The following EVA1A variants were observed in gnomAD, a reference collection of about 807,000 sequenced individuals.
EVA1A encodes protein eva-1 homolog A.
EVA1A carries 7 observed loss-of-function variants against 9.8 expected under a neutral mutation model. That is an observed-to-expected ratio of 0.71 (90% confidence interval 0.41 to 1.34). EVA1A has a LOEUF of 1.34. Ranked by LOEUF, EVA1A falls within the 40% of genes most tolerant of loss-of-function variation. The probability of loss-of-function intolerance (pLI) is 0.01; values close to 1 mark genes in which losing one functional copy is unlikely to be tolerated. For synonymous variants in EVA1A, 90 were observed against 85.6 expected, an observed-to-expected ratio of 1.05 and a Z score of -0.28; for missense variants, 206 against 205.9, an observed-to-expected ratio of 1.00 and a Z score of 0.00.
intron 1 of EVA1A, among the ~76,000 whole-genome samples, chr2:75,527,028 A>G (rs1019297742): frequency 1.3e-5 from 2 of 152,138 alleles, no homozygotes; most frequent in African/African-American, 4.8e-5. Flanking sequence ...ACCCAACACA[A>G]CTGGTGCAGA....
intron 3 of EVA1A, among the ~76,000 whole-genome samples, chr2:75,511,445 T>A (rs78454650): frequency 0.012 from 1,840 of 152,242 alleles, 18 homozygotes; most frequent in Non-Finnish European, 0.019. Context: ...TAATACATAG[T>A]TGTCTAAAAG....
chr2:75,505,769 G>T (rs184177916), intron 3 of EVA1A, among the ~76,000 whole-genome samples: 3 of 151,858 alleles, frequency 2.0e-5, no homozygotes, highest in Admixed American at 6.6e-5. Flanking sequence ...AGCCGAGATC[G>T]TGCCAATGCA....
intron 1 of EVA1A, among the ~76,000 whole-genome samples, chr2:75,566,801 C>T (rs977524595): frequency 4.6e-5 from 7 of 152,184 alleles, no homozygotes; most frequent in Admixed American, 1.3e-4. Flanking sequence ...AAAACATATT[C>T]ACCATTTAAA....
chr2:75,560,327 C>T (rs1049001023), intron 1 of EVA1A, among the ~76,000 whole-genome samples: 4 of 152,204 alleles, frequency 2.6e-5, no homozygotes, highest in Admixed American at 2.0e-4. Flanking sequence ...CAGGCTCAGC[C>T]CAGCTCCCAG....
chr2:75,528,057 G>A (rs1675513960), intron 1 of EVA1A, among the ~76,000 whole-genome samples: 1 of 152,212 alleles, frequency 6.6e-6, no homozygotes, highest in Non-Finnish European at 1.5e-5. Context: ...AAATATAAAA[G>A]TAGAAGAAGC....
intron 3 of EVA1A, among the ~76,000 whole-genome samples, chr2:75,499,108 A>T (rs1190804159): frequency 6.6e-6 from 1 of 152,228 alleles, no homozygotes; most frequent in Non-Finnish European, 1.5e-5. Flanking sequence ...AAAATTCTTA[A>T]GCCCTCAGAT....
intron 3 of EVA1A, among the ~76,000 whole-genome samples, chr2:75,507,137 T>C (rs1674644878): frequency 1.3e-5 from 2 of 152,210 alleles, no homozygotes; most frequent in Non-Finnish European, 2.9e-5. Flanking sequence ...GGCTCCCTCT[T>C]ACCTTATGGA....
chr2:75,529,700 A>C (rs1170049404), intron 1 of EVA1A, among the ~76,000 whole-genome samples: 1 of 152,206 alleles, frequency 6.6e-6, no homozygotes, highest in Non-Finnish European at 1.5e-5. Flanking sequence ...TCTGAACTGA[A>C]TAATAATGAA....
chr2:75,520,540 T>C (rs1035463260), intron 2 of EVA1A, among the ~76,000 whole-genome samples: 3 of 152,164 alleles, frequency 2.0e-5, no homozygotes, highest in Admixed American at 1.3e-4. Flanking sequence ...AATAAACCCT[T>C]ACATATATAT....
chr2:75,562,684 T>A (rs766807610), upstream of EVA1A, among the ~76,000 whole-genome samples: 1 of 152,224 alleles, frequency 6.6e-6, no homozygotes. Context: ...CACTCTGGCA[T>A]GCAAGGGCCA....
At chr2:75,563,281 C>T (rs1257858495), upstream of EVA1A, among the ~76,000 whole-genome samples, 1 of 152,230 alleles carries the variant, frequency 6.6e-6, no homozygotes, top group East Asian at 1.9e-4. Context: ...CGTTGCTAGC[C>T]TGAGAGCCCC....
chr2:75,562,699 C>G (rs754216589), upstream of EVA1A, among the ~76,000 whole-genome samples: 1 of 152,224 alleles, frequency 6.6e-6, no homozygotes, highest in African/African-American at 2.4e-5. Context: ...GGGCCATCAT[C>G]AGAGCTCCCC....
At position 75,560,858 on chromosome 2, in the gene EVA1A, GCCTGGGGAT is replaced by G; in HGVS notation, c.-379_-371del. ...GGAGGGGCCGCCGGGGTCAGGGCTGGCCTGGGGATGTGGGGTCCCGGCCTGGGTGCTCAC... is the reference window on the plus strand; with the variant it reads ...GGAGGGGCCGCCGGGGTCAGGGCTGGGTGGGGTCCCGGCCTGGGTGCTCAC... On this transcript the variant is annotated 5_prime_UTR_variant, in exon 1 of 4. Coordinates refer to ENST00000393913, the MANE Select transcript of EVA1A (RefSeq NM_001135032.2). 6.5e-6 allele frequency: 1 copy of G among 153,096 alleles called. No homozygotes were observed. Among genetic ancestry groups the G allele is most frequent in the African/African-American group, 2.4e-5 (1 of 41,472 alleles). 9.5% of individuals were successfully genotyped at this position (153,096 alleles called of 1,614,324 possible).
upstream of EVA1A, among the ~76,000 whole-genome samples, chr2:75,562,104 G>A (rs909790291): frequency 2.0e-5 from 3 of 152,166 alleles, no homozygotes; most frequent in East Asian, 5.8e-4. Flanking sequence ...ATTAGTATCT[G>A]CAGCTTAACA....
At chr2:75,545,454 A>C (rs74848140) in intron 1 of EVA1A, among the ~76,000 whole-genome samples, 1 of 152,186 alleles carries the variant, frequency 6.6e-6, no homozygotes, top group Non-Finnish European at 1.5e-5. Flanking sequence ...GCAAATAAGA[A>C]GGCTTCTCTG....
At chr2:75,518,253 C>T (rs1350134365) in intron 2 of EVA1A, 45 bp from the exon 3 acceptor site, 2 of 1,490,218 alleles carry the variant, frequency 1.3e-6, no homozygotes, top group African/African-American at 2.8e-5. Flanking sequence ...TTCTGCTGTC[C>T]TGAGGCCATG....
At chr2:75,511,302 A>G (rs1394018620) in intron 3 of EVA1A, among the ~76,000 whole-genome samples, 2 of 152,342 alleles carry the variant, frequency 1.3e-5, no homozygotes, top group East Asian at 3.9e-4. Context: ...ACTCTACAAC[A>G]GCACTTGAAC....
Position 75,518,105 on chromosome 2 carries a change from C to T in EVA1A, c.36G>A (p.Val12=). Residue 12 remains valine, a synonymous_variant, in exon 3 of 4, where the codon GTG becomes GTA. Coordinates refer to ENST00000393913, the MANE Select transcript of EVA1A (RefSeq NM_001135032.2). ...GGATGTTGCTGAGCAAAGCCATCTC[C>T]ACGTGCTCTGGGCTGTGGCTGAGGG... ...RLPLSHSPEH[V]EMALLSNILA... is the part of the protein sequence containing the mutation. The T allele has an allele frequency of 1.9e-6, 3 of 1,614,142 alleles. No individual in the cohort carries two copies. The highest frequency in any genetic ancestry group is 1.3e-5 in the African/African-American group (1 of 75,032).
At chr2:75,552,006 C>A (rs963253916) in intron 1 of EVA1A, among the ~76,000 whole-genome samples, 3 of 152,046 alleles carry the variant, frequency 2.0e-5, no homozygotes, top group South Asian at 4.1e-4. Context: ...CATAGTGAGA[C>A]CCTGCTCTAC....
Sources: allele counts gnomAD v4.1 joint callset (sites outside exome capture counted in the v4.1 genomes callset), GRCh38; gene constraint gnomAD v4.1.1; transcripts MANE v1.5; gene names NCBI Gene and HGNC (gene_info 2026-07-23, HGNC 2026-07-21).